XPO1: variants seen among roughly 807,000 people sequenced by gnomAD.
XPO1 encodes exportin 1.
Under a neutral mutation model 133.3 loss-of-function variants are expected in XPO1, and 5 were observed. That is an observed-to-expected ratio of 0.04 (90% CI 0.02 to 0.08). The LOEUF (loss-of-function observed/expected upper bound fraction) is 0.08. Among genes scored for constraint, XPO1 ranks in the 10% least tolerant of loss-of-function variants. XPO1 has a pLI of 1.00. For missense variants in XPO1, 506 were observed against 1,267.5 expected, an observed-to-expected ratio of 0.40 and a Z score of 9.12; for synonymous variants, 419 against 408.2, an observed-to-expected ratio of 1.03 and a Z score of -0.32.
intron 3 of XPO1, among the ~76,000 whole-genome samples, chr2:61,523,535 G>C (rs1328436740): frequency 6.6e-6 from 1 of 152,188 alleles, no homozygotes; most frequent in African/African-American, 2.4e-5. Context: ...GCAGGAGGAA[G>C]AAAAGGGACA....
intron 24 of XPO1, among the ~76,000 whole-genome samples, chr2:61,480,882 T>C (rs967128225): frequency 6.6e-6 from 1 of 152,102 alleles, no homozygotes; most frequent in Non-Finnish European, 1.5e-5. Context: ...TATAAAATTA[T>C]AAAAAGAACT....
At chr2:61,483,343 T>C in intron 21 of XPO1, 1 of 373,380 alleles carries the variant, frequency 2.7e-6, no homozygotes, top group Non-Finnish European at 4.8e-6. Flanking sequence ...AAAGATCATA[T>C]AATGGACTTT....
chr2:61,479,496 A>G (rs1418490086), intron 24 of XPO1, among the ~76,000 whole-genome samples: 1 of 152,182 alleles, frequency 6.6e-6, no homozygotes, highest in Non-Finnish European at 1.5e-5. Context: ...TACAGTAAAT[A>G]GTCTTCAATG....
chr2:61,493,458 GACCACGCC>G, intron 12 of XPO1: 1 of 195,136 alleles, frequency 5.1e-6, no homozygotes, highest in Non-Finnish European at 1.0e-5. Flanking sequence ...AGTGAGCTAT[GACCACGCC>G]ACTGCACTCC....
rs1163122826 is a variant in XPO1, at chr2:61,488,824, G to A, written c.2023-53C>T. On this transcript the variant is annotated intron_variant, in intron 17 of 24. Coordinates refer to ENST00000401558, the MANE Select transcript of XPO1 (RefSeq NM_003400.4). Reference sequence around the variant, plus strand: ...TATCATATAAGAATTATCCACGGCTGGGAACAGTGGCTCACGCCTGTAATC... The same window carrying A: ...TATCATATAAGAATTATCCACGGCTAGGAACAGTGGCTCACGCCTGTAATC... 4 of 1,582,172 alleles carry A rather than the reference G, an allele frequency of 2.5e-6. No homozygotes were observed. In the African/African-American group the frequency reaches 4.1e-5, roughly 16 times the overall value.
rs1696174278 is a variant in XPO1 at position 61,478,573 on chromosome 2, A to T, written c.*247T>A. On this transcript the variant is annotated 3_prime_UTR_variant, in exon 25 of 25. Coordinates refer to ENST00000401558, the MANE Select transcript of XPO1 (RefSeq NM_003400.4). ...AGCCCAGCCACAAAAATGGGCATGA[A>T]GTAAAATTTTTAAAAATGCCTTAAT... 2.4e-6 allele frequency: 1 copy of T among 418,080 alleles called. No homozygotes were observed. The highest frequency in any genetic ancestry group is 4.3e-5 in the Admixed American group (1 of 23,130). The allele number at this position is 418,080 out of a possible 1,614,324, so 25.9% of individuals were successfully genotyped here. A position where few individuals can be genotyped will look rare whatever the true frequency, so the allele number is the denominator to read the frequency against.
At chr2:61,495,710 T>TG (rs2104461751) in intron 10 of XPO1, 97 bp from the exon 11 acceptor site, 2 of 1,261,934 alleles carry the variant, frequency 1.6e-6, no homozygotes, top group Admixed American at 5.8e-5. Flanking sequence ...GGTATCACTC[T>TG]GTCCAGGCTG....
At chr2:61,495,701 G>GT in intron 10 of XPO1, 88 bp from the exon 11 acceptor site, 1 of 1,315,720 alleles carries the variant, frequency 7.6e-7, no homozygotes, top group South Asian at 1.8e-5. Flanking sequence ...TTGAGACAAG[G>GT]TATCACTCTG....
At chr2:61,488,051 T>C in intron 19 of XPO1, 114 bp downstream of exon 19, 1 of 870,162 alleles carries the variant, frequency 1.1e-6, no homozygotes, top group South Asian at 1.7e-5. Flanking sequence ...TGCCATAAAA[T>C]AACCACAAAG....
intron 17 of XPO1, among the ~76,000 whole-genome samples, chr2:61,490,123 T>C (rs1696901918): frequency 1.3e-5 from 2 of 151,572 alleles, no homozygotes; most frequent in Non-Finnish European, 2.9e-5. Flanking sequence ...TCTCCTGACC[T>C]AGTGATCCAC....
intron 18 of XPO1, 85 bp downstream of exon 18, chr2:61,488,503 A>G (rs1347818488): frequency 7.0e-7 from 1 of 1,422,198 alleles, no homozygotes; most frequent in Non-Finnish European, 9.6e-7. Context: ...TTAAATCTGT[A>G]AAAAACATCA....
intron 4 of XPO1, among the ~76,000 whole-genome samples, chr2:61,520,690 T>C (rs1573205682): frequency 6.6e-6 from 1 of 152,298 alleles, no homozygotes; most frequent in East Asian, 1.9e-4. Context: ...ATTAATTTTG[T>C]CTGTAACAAA....
intron 23 of XPO1, among the ~76,000 whole-genome samples, 176 bp downstream of exon 23, chr2:61,482,204 C>G (rs573997513): frequency 2.6e-5 from 4 of 152,136 alleles, no homozygotes; most frequent in African/African-American, 9.6e-5. Flanking sequence ...ATGCATACCA[C>G]TTCTGACTAC....
chr2:61,518,880 C>G (rs550173822), intron 4 of XPO1, among the ~76,000 whole-genome samples: 2 of 152,254 alleles, frequency 1.3e-5, no homozygotes, highest in African/African-American at 4.8e-5. Flanking sequence ...TTTATTATCT[C>G]GCCATTTCTC....
At chr2:61,502,338 A>G (rs779414275) in intron 4 of XPO1, 28 bp from the exon 5 acceptor site, 1 of 1,598,492 alleles carries the variant, frequency 6.3e-7, no homozygotes, top group Admixed American at 1.7e-5. Context: ...CGTAATAAAA[A>G]AATTGTTGAG....
chr2:61,489,082 A>G (rs1696836950), intron 17 of XPO1, among the ~76,000 whole-genome samples: 1 of 141,556 alleles, frequency 7.1e-6, no homozygotes, highest in South Asian at 2.3e-4. Context: ...AGCCTGGGCG[A>G]AAGAGCAAGA....
intron 1 of XPO1, among the ~76,000 whole-genome samples, chr2:61,537,274 C>T (rs1423701399): frequency 6.6e-6 from 1 of 151,704 alleles, no homozygotes; most frequent in African/African-American, 2.4e-5. Context: ...CGCGCGGGGC[C>T]CCGCTTCACT....
chr2:61,491,953 T>G (rs1045473713), intron 16 of XPO1, 82 bp downstream of exon 16: 1 of 1,469,158 alleles, frequency 6.8e-7, no homozygotes, highest in Non-Finnish European at 9.3e-7. Context: ...ATCCAATAGT[T>G]GCCCTCCTAT....
At position 61,495,618 on chromosome 2, in the gene XPO1, A is replaced by G. The variant is rs1262961868; in HGVS notation, c.889-5T>C. The G allele has an allele frequency of 3.9e-6, 6 of 1,552,428 alleles. No homozygotes were observed. The African/African-American group carries it at 6.9e-5, about 18-fold the overall frequency. On this transcript the variant is annotated splice_polypyrimidine_tract_variant and splice_region_variant and intron_variant, in intron 10 of 24. Coordinates refer to ENST00000401558, the MANE Select transcript of XPO1 (RefSeq NM_003400.4). ...ATTGGTATTTAAAGGAAGCATCTGC[A>G]AATTTTAAAAGGGACGATCAGTTCG...
Sources: gnomAD v4.1 joint callset for allele counts (sites outside exome capture counted in the v4.1 genomes callset) on GRCh38, gnomAD v4.1.1 for gene constraint, MANE v1.5 for transcripts, NCBI Gene and HGNC (gene_info 2026-07-23, HGNC 2026-07-21) for gene names.